Variants in STAT4 observed in about 807,000 individuals in gnomAD.
STAT4 encodes signal transducer and activator of transcription 4.
In STAT4, 42 loss-of-function variants were observed where a neutral mutation model predicts 110.5. That is an observed-to-expected ratio of 0.38 (90% confidence interval 0.30 to 0.49). The LOEUF is 0.49. Among genes scored for constraint, STAT4 ranks in the 20% least tolerant of loss-of-function variants. STAT4 has a pLI of 0.95. For synonymous variants in STAT4, 284 were observed against 302.2 expected (o/e 0.94, Z 0.63); for missense variants, 632 against 887.9 (o/e 0.71, Z 3.66).
intron 13 of STAT4, among the ~76,000 whole-genome samples, chr2:191,057,209 TGTC>T (rs2125216723): frequency 6.6e-6 from 1 of 152,370 alleles, no homozygotes; most frequent in Non-Finnish European, 1.5e-5. Flanking sequence ...ACCATTCGAC[TGTC>T]TGCCTCTAAG....
At chr2:191,071,025 A>C (rs763211010) in intron 5 of STAT4, among the ~76,000 whole-genome samples, 3 of 152,184 alleles carry the variant, frequency 2.0e-5, no homozygotes, top group African/African-American at 7.2e-5. Flanking sequence ...GACATTCTCC[A>C]TACTTATAAA....
At chr2:191,120,417 A>T (rs369222533) in intron 3 of STAT4, among the ~76,000 whole-genome samples, 40 of 152,286 alleles carry the variant, frequency 2.6e-4, no homozygotes, top group African/African-American at 8.7e-4. Flanking sequence ...ACAAAAATAA[A>T]AATAGAAAAA....
In STAT4 at chr2:191,073,195, A is replaced by G; in HGVS notation, c.373-5T>C. On this transcript the variant is annotated splice_polypyrimidine_tract_variant and splice_region_variant and intron_variant, in intron 4 of 23. Transcript: ENST00000392320. ...TAAGGATTTCTCTAGAGGCCCCTGG[A>G]AAAAGAATGTCTTGAAATCTCTCTG... 6.2e-7 allele frequency: 1 copy of G among 1,612,602 alleles called. No homozygotes were observed. The highest frequency in any genetic ancestry group is 8.5e-7 in the Non-Finnish European group (1 of 1,178,742).
At position 191,116,154 on chromosome 2, in the gene STAT4, A is replaced by G. The variant is rs192215290; in HGVS notation, c.273+30459T>C. Among the ~76,000 whole-genome samples the G allele has an allele frequency of 2.7e-4, 41 of 152,356 alleles. 1 individual carries two copies. In the East Asian group the frequency reaches 7.3e-3, roughly 27 times the overall value. ...GGTAAGGGCCGTGATGGACAAAGTC[A>G]ATGGTACTCTTCCATTCCCAATGTG... On this transcript the variant is annotated intron_variant, in intron 3 of 23. Transcript: ENST00000392320. This position sits in a 1 kb window ranked among gnomAD's most constrained non-coding sequence, Gnocchi z 4.1.
At chr2:191,094,144 A>C (rs926099920) in intron 3 of STAT4, among the ~76,000 whole-genome samples, 1 of 152,214 alleles carries the variant, frequency 6.6e-6, no homozygotes, top group African/African-American at 2.4e-5. Context: ...GGGAGAATGG[A>C]ACCAAGTTGG....
chr2:191,092,437 C>T lies in STAT4; in HGVS notation c.274-16112G>A, dbSNP rs370291434. 7.9e-5 allele frequency among the ~76,000 whole-genome samples: 12 copies of T among 151,716 alleles called. No individual in the cohort carries two copies. The South Asian group carries it at 2.5e-3, about 31-fold the overall frequency. On this transcript the variant is annotated intron_variant, in intron 3 of 23. Coordinates refer to ENST00000392320, the MANE Select transcript of STAT4 (RefSeq NM_003151.4). The stretch of plus-strand genomic sequence containing the variant: ...TGAAATTTCATTATTCATGTCTCTG[C>T]TTTCCAAATTTTACGTAACAGATAT...
At position 191,148,183 on chromosome 2, in the gene STAT4, G is replaced by A. The variant is rs1699504339; in HGVS notation, c.21C>T (p.Val7=). 6.2e-7 allele frequency: 1 copy of A among 1,613,694 alleles called. No homozygotes were observed. Residue 7 remains valine (V), a synonymous_variant, in exon 2 of 24, where the codon GTC becomes GTT. Transcript: ENST00000392320. MSQWNQ[V]QQLEIKFLEQ... ...CCAAAAACTTGATTTCTAACTGTTGGACTTGATTCCACTGAGACATGCTAT... is the reference window on the plus strand; with the variant it reads ...CCAAAAACTTGATTTCTAACTGTTGAACTTGATTCCACTGAGACATGCTAT...
intron 3 of STAT4, among the ~76,000 whole-genome samples, chr2:191,096,112 T>C (rs10031763): frequency 1.3e-5 from 2 of 152,042 alleles, no homozygotes; most frequent in African/African-American, 4.8e-5. Context: ...GGCTCTGAAA[T>C]CAAGGAAATA....
Position 191,064,665 on chromosome 2 carries a change from G to A in STAT4, c.782+142C>T. ...ACACTTATACTATTTGTTTTCAACT[G>A]TAGATTTCTCAGCTGCTAATAAGCC... On this transcript the variant is annotated intron_variant, in intron 8 of 23. Coordinates refer to ENST00000392320, the MANE Select transcript of STAT4 (RefSeq NM_003151.4). 4.8e-6 allele frequency: 5 copies of A among 1,032,328 alleles called. 1 individual carries two copies. The highest frequency in any genetic ancestry group is 3.8e-5 in the South Asian group (2 of 53,090). The allele number at this position is 1,032,328 out of a possible 1,614,324, so 63.9% of individuals were successfully genotyped here. A position where few individuals can be genotyped will look rare whatever the true frequency, so the allele number is the denominator to read the frequency against.
rs752900281 is a variant in STAT4 at position 191,030,926 on chromosome 2, C to T, written c.2220+46G>A. The T allele has an allele frequency of 5.1e-6, 8 of 1,564,370 alleles. No individual in the cohort carries two copies. The highest frequency in any genetic ancestry group is 4.5e-5 in the East Asian group (2 of 44,566). On this transcript the variant is annotated intron_variant, in intron 23 of 23. Transcript: ENST00000392320. This position sits in a 1 kb window ranked among gnomAD's most constrained non-coding sequence, Gnocchi z 4.4. The stretch of plus-strand genomic sequence containing the variant: ...TTTGATTCACACACCACCTTTGCAT[C>T]GTTGGAAACACCTTTGACCAGCAAT...
At chr2:191,132,755 CTTT>C (rs56028616) in intron 3 of STAT4, among the ~76,000 whole-genome samples, 27 of 135,348 alleles carry the variant, frequency 2.0e-4, no homozygotes, top group Non-Finnish European at 1.7e-4. Context: ...TAATGGTTTT[CTTT>C]TTTTTTTTTT....
chr2:191,072,860 C>T (rs1697206599), intron 5 of STAT4, among the ~76,000 whole-genome samples: 1 of 152,194 alleles, frequency 6.6e-6, no homozygotes, highest in South Asian at 2.1e-4. Flanking sequence ...TACCAAAGCT[C>T]ATTCAAGAAG....
At chr2:191,095,745 G>A (rs1020321714) in intron 3 of STAT4, among the ~76,000 whole-genome samples, 26 of 152,102 alleles carry the variant, frequency 1.7e-4, no homozygotes, top group African/African-American at 5.8e-4. Flanking sequence ...CTAGCAGAAG[G>A]CAAGAAATAA....
chr2:191,030,975 A>C lies in STAT4; in HGVS notation c.2217T>G (p.Thr739=), dbSNP rs757844095. The change falls in exon 23 of 24, where the codon ACT becomes ACG. Residue 739 remains threonine, a synonymous_variant. Transcript: ENST00000392320. The surrounding 1 kb of genome is among the most constrained non-coding windows in gnomAD (Gnocchi z 4.4). ...RENLSPTTIE[T]AMKSPYSAE is the part of the protein sequence containing the mutation. ...ATGGAAAATAAAGGGAACATACTGC[A>C]GTTTCAATTGTTGTGGGACTCAGGT... 3 of 1,613,258 alleles carry C rather than the reference A, an allele frequency of 1.9e-6. No homozygotes were observed. Among genetic ancestry groups the C allele is most frequent in the Admixed American group, 1.7e-5 (1 of 59,998 alleles).
rs1173461608 is a variant in STAT4 at position 191,042,544 on chromosome 2, AT to A, written c.1252-1397del. 1.3e-5 allele frequency among the ~76,000 whole-genome samples: 2 copies of A among 152,142 alleles called. No individual in the cohort carries two copies. Among genetic ancestry groups the A allele is most frequent in the South Asian group, 4.1e-4 (2 of 4,830 alleles). ...AAAAATAGGATTTTATTAAGGAAGC[AT>A]TTTAAAAAAATTATTATTTTGGTTT... On this transcript the variant is annotated intron_variant, in intron 14 of 23. Transcript: ENST00000392320. This position sits in a 1 kb window ranked among gnomAD's most constrained non-coding sequence, Gnocchi z 4.2.
At chr2:191,074,180 T>C (rs1697246484) in intron 4 of STAT4, among the ~76,000 whole-genome samples, 1 of 152,204 alleles carries the variant, frequency 6.6e-6, no homozygotes, top group African/African-American at 2.4e-5. Context: ...TCTAATAATC[T>C]GATACTGGGT....
In STAT4 at chr2:191,144,444, T is replaced by C; in HGVS notation, c.273+2169A>G. On this transcript the variant is annotated intron_variant, in intron 3 of 23. Coordinates refer to ENST00000392320, the MANE Select transcript of STAT4 (RefSeq NM_003151.4). This position sits in a 1 kb window ranked among gnomAD's most constrained non-coding sequence, Gnocchi z 4.7. ...GTCATTCAAGAGTGTGTGTGACGTG[T>C]TCAGGAACAAGTAGTAGATCTATTT... is the stretch of plus-strand genomic sequence containing the variant. Among the ~76,000 whole-genome samples, 1 of 152,130 alleles carries C rather than the reference T, an allele frequency of 6.6e-6. No individual in the cohort carries two copies. The highest frequency in any genetic ancestry group is 2.1e-4 in the South Asian group (1 of 4,822).
In STAT4 at chr2:191,050,310, G is replaced by C. The variant is rs555441407; in HGVS notation, c.1251+4180C>G. On this transcript the variant is annotated intron_variant, in intron 14 of 23. Coordinates refer to ENST00000392320, the MANE Select transcript of STAT4 (RefSeq NM_003151.4). The surrounding 1 kb of genome is among the most constrained non-coding windows in gnomAD (Gnocchi z 4.3). Reference sequence around the variant, plus strand: ...TTTATTTTACAGGAACAGATTGATGGCCTCAAAGTCTGGCCACTTTCTAGG... The same window carrying C: ...TTTATTTTACAGGAACAGATTGATGCCCTCAAAGTCTGGCCACTTTCTAGG... Among the ~76,000 whole-genome samples, 4 of 152,274 alleles carry C rather than the reference G, an allele frequency of 2.6e-5. No homozygotes were observed. The South Asian group carries it at 6.2e-4, about 24-fold the overall frequency.
At chr2:191,101,213 G>GA (rs557896028) in intron 3 of STAT4, among the ~76,000 whole-genome samples, 1 of 151,958 alleles carries the variant, frequency 6.6e-6, no homozygotes, top group Non-Finnish European at 1.5e-5. Flanking sequence ...AAATAACTGA[G>GA]AAAAAATCAC....
Sources: gnomAD v4.1 joint callset for allele counts (sites outside exome capture counted in the v4.1 genomes callset) on GRCh38, gnomAD v4.1.1 for gene constraint, Gnocchi (gnomAD v3.1) non-coding constraint, MANE v1.5 for transcripts, NCBI Gene and HGNC (gene_info 2026-07-23, HGNC 2026-07-21) for gene names.